TBX6: variants seen among roughly 807,000 people sequenced by gnomAD.
TBX6 encodes T-box transcription factor TBX6.
TBX6 carries 29 observed loss-of-function variants against 42.3 expected under a neutral mutation model. That is an observed-to-expected ratio of 0.69 (90% CI 0.51 to 0.93). The LOEUF (loss-of-function observed/expected upper bound fraction) is 0.93. Ranked by LOEUF, TBX6 falls within the 40% of genes least tolerant of loss-of-function variation. The pLI, the probability that TBX6 is intolerant of heterozygous loss-of-function variation, is 0.00. For missense variants in TBX6, 569 were observed against 603.3 expected (o/e 0.94, Z 0.59); for synonymous variants, 249 against 245.1 (o/e 1.02, Z -0.15).
chr16:30,087,940 T>TC (rs1293068174), intron 6 of TBX6: 1 of 143,220 alleles, frequency 7.0e-6, no homozygotes, highest in East Asian at 2.0e-4. Flanking sequence ...TTTTCTTTCT[T>TC]TTTTTTTTTT....
In TBX6 at chr16:30,086,189, A is replaced by T; in HGVS notation, c.*36T>A. The T allele has an allele frequency of 6.3e-7, 1 of 1,597,902 alleles. No individual in the cohort carries two copies. Among genetic ancestry groups the T allele is most frequent in the South Asian group, 1.1e-5 (1 of 89,746 alleles). ...TCCAGGGCTGGGGGAAGGGAGCGGG[A>T]GGTTTGTGATGGAGGCAGAGGGGCC... On this transcript the variant is annotated 3_prime_UTR_variant, in exon 9 of 9. Transcript: ENST00000395224. The surrounding 1 kb of genome is among the most constrained non-coding windows in gnomAD (Gnocchi z 4.6).
rs997345544 is a variant in TBX6 at position 30,085,904 on chromosome 16, C to T, written c.*321G>A. 6 of 380,006 alleles carry T rather than the reference C, an allele frequency of 1.6e-5. No individual in the cohort carries two copies. Among genetic ancestry groups the T allele is most frequent in the African/African-American group, 1.1e-4 (5 of 46,056 alleles). 23.5% of individuals were successfully genotyped at this position (380,006 alleles called of 1,614,324 possible). On this transcript the variant is annotated 3_prime_UTR_variant, in exon 9 of 9. Coordinates refer to ENST00000395224, the MANE Select transcript of TBX6 (RefSeq NM_004608.4). Reference sequence around the variant, plus strand: ...GTGTGGGGGGGTGGGGATTGAGCCCCTCCAGAGCCCATGGGGAGGCCTGGT... The same window carrying T: ...GTGTGGGGGGGTGGGGATTGAGCCCTTCCAGAGCCCATGGGGAGGCCTGGT...
chr16:30,086,947 A>T lies in TBX6; in HGVS notation c.840-96T>A. On this transcript the variant is annotated intron_variant, in intron 6 of 8. Coordinates refer to ENST00000395224, the MANE Select transcript of TBX6 (RefSeq NM_004608.4). This position sits in a 1 kb window ranked among gnomAD's most constrained non-coding sequence, Gnocchi z 4.6. ...TGCCAGGCATTTCACCCTCCCAGGG[A>T]CCCTGTCAGGTAGGGGCCATCATTA... 6.9e-7 allele frequency: 1 copy of T among 1,441,094 alleles called. No homozygotes were observed. The highest frequency in any genetic ancestry group is 1.2e-5 in the South Asian group (1 of 81,966). 89.3% of individuals were successfully genotyped at this position (1,441,094 alleles called of 1,614,324 possible).
chr16:30,088,808 G>T lies in TBX6; in HGVS notation c.653C>A (p.Pro218His). Residue 218 changes from proline to histidine, a missense_variant, in exon 5 of 9, where the codon CCC becomes CAC. Pro to His is a moderately conservative substitution (Grantham distance 77). Transcript: ENST00000395224. The surrounding 1 kb of genome is among the most constrained non-coding windows in gnomAD (Gnocchi z 4.1). The part of the protein sequence containing the change: ...LILHSMHKYQ[P>H]RIHLVRAAQL... Reference sequence around the variant, plus strand: ...GGCTGCCCGAACTAGGTGTATGCGGGGTTGGTACTTGTGCATGGAGTGCAG... The same window carrying T: ...GGCTGCCCGAACTAGGTGTATGCGGTGTTGGTACTTGTGCATGGAGTGCAG... 2 of 1,614,152 alleles carry T rather than the reference G, an allele frequency of 1.2e-6. No individual in the cohort carries two copies. Among genetic ancestry groups the T allele is most frequent in the Non-Finnish European group, 8.5e-7 (1 of 1,179,994 alleles).
intron 3 of TBX6, 115 bp downstream of exon 3, chr16:30,090,643 G>A: frequency 4.7e-6 from 5 of 1,062,894 alleles, no homozygotes; most frequent in African/African-American, 1.6e-5. Flanking sequence ...TCAGATTCTA[G>A]GCCTAGGCAG....
chr16:30,091,494 C>A lies in TBX6; in HGVS notation c.-48-253G>T, dbSNP rs149733525. On this transcript the variant is annotated intron_variant, in intron 1 of 8. Coordinates refer to ENST00000395224, the MANE Select transcript of TBX6 (RefSeq NM_004608.4). Reference sequence around the variant, plus strand: ...TCCTCGGCTTGATTGATCCCCAGGGCTCGGACAGGGACGCAGTTTGGCGCT... The same window carrying A: ...TCCTCGGCTTGATTGATCCCCAGGGATCGGACAGGGACGCAGTTTGGCGCT... 720 of 286,560 alleles carry A rather than the reference C, an allele frequency of 2.5e-3. 1 individual carries two copies. The highest frequency in any genetic ancestry group is 3.0e-3 in the Non-Finnish European group (451 of 152,598). 17.8% of individuals were successfully genotyped at this position (286,560 alleles called of 1,614,324 possible).
chr16:30,088,551 C>A lies in TBX6; in HGVS notation c.833G>T (p.Cys278Phe), dbSNP rs535872853. Residue 278 changes from cysteine to phenylalanine, a missense_variant, in exon 6 of 9, where the codon TGT becomes TTT. Cys to Phe is a radical substitution (Grantham distance 205, BLOSUM62 -2). Coordinates refer to ENST00000395224, the MANE Select transcript of TBX6 (RefSeq NM_004608.4). The surrounding 1 kb of genome is among the most constrained non-coding windows in gnomAD (Gnocchi z 4.1). ...AKGFRENGRN[C>F]KRERDARVKR... ...ATGAATGAACAACTCCCACCTCTTA[C>A]AGTTTCTGCCGTTCTCCCGGAAGCC... The A allele has an allele frequency of 6.2e-7, 1 of 1,614,240 alleles. No individual in the cohort carries two copies. The highest frequency in any genetic ancestry group is 1.3e-5 in the African/African-American group (1 of 75,056).
In TBX6 at chr16:30,091,142, C is replaced by G. The variant is rs1191615131; in HGVS notation, c.52G>C (p.Gly18Arg). The change falls in exon 2 of 9, where the codon GGG becomes CGG. Residue 18 changes from glycine (G) to arginine (R), a missense_variant. Around this residue, in one of 3 missense-constraint regions of TBX6, gnomAD observed 134 missense variants for 125.3 expected, o/e 1.07. Transcript: ENST00000395224. ...YPSLGAGYRL[G>R]PAQPGADSSF... ...GAGTCGGCCCCAGGTTGGGCGGGCCCCAGGCGGTAGCCGGCCCCCAGGGAC... is the reference window on the plus strand; with the variant it reads ...GAGTCGGCCCCAGGTTGGGCGGGCCGCAGGCGGTAGCCGGCCCCCAGGGAC... 3 of 1,594,722 alleles carry G rather than the reference C, an allele frequency of 1.9e-6. No homozygotes were observed. The highest frequency in any genetic ancestry group is 2.6e-6 in the Non-Finnish European group (3 of 1,172,486).
At position 30,091,011 on chromosome 16, in the gene TBX6, T is replaced by C; in HGVS notation, c.119-19A>G. ...TCCAGTTCTGGAAGCCGGGGAAGAA[T>C]GAGGAGCCAGCCGAGGGCCACAGCC... On this transcript the variant is annotated intron_variant, in intron 2 of 8. Coordinates refer to ENST00000395224, the MANE Select transcript of TBX6 (RefSeq NM_004608.4). The C allele has an allele frequency of 1.2e-6, 2 of 1,607,020 alleles. No individual in the cohort carries two copies. Among genetic ancestry groups the C allele is most frequent in the Non-Finnish European group, 1.7e-6 (2 of 1,176,906 alleles).
chr16:30,086,408 G>A lies in TBX6; in HGVS notation c.1128C>T (p.Ser376=), dbSNP rs569457361. 4.3e-5 allele frequency: 66 copies of A among 1,543,844 alleles called. No homozygotes were observed. The South Asian group carries it at 5.0e-4, about 12-fold the overall frequency. The part of the protein sequence containing the change: ...RSPSFPEAPD[S]GRSAPYSAAF... ...CAGCCGAGTAGGGGGCTGAGCGCCC[G>A]GAGTCTGGAGCCTCCGGGAAGCTGG... Residue 376 remains serine, a synonymous_variant, in exon 9 of 9, where the codon TCC becomes TCT. Coordinates refer to ENST00000395224, the MANE Select transcript of TBX6 (RefSeq NM_004608.4). The surrounding 1 kb of genome is among the most constrained non-coding windows in gnomAD (Gnocchi z 4.6).
intron 6 of TBX6, among the ~76,000 whole-genome samples, chr16:30,087,053 T>C (rs577586348): frequency 6.6e-6 from 1 of 152,252 alleles, no homozygotes; most frequent in African/African-American, 2.4e-5. Context: ...TTGTCCCTGC[T>C]CAAATTTGTC....
In TBX6 at chr16:30,086,973, T is replaced by C. The variant is rs2151031585; in HGVS notation, c.840-122A>G. Reference sequence around the variant, plus strand: ...CCCTGTCAGGTAGGGGCCATCATTATACCCATTTTATAGATGAAGAAACTG... The same window carrying C: ...CCCTGTCAGGTAGGGGCCATCATTACACCCATTTTATAGATGAAGAAACTG... On this transcript the variant is annotated intron_variant, in intron 6 of 8. Coordinates refer to ENST00000395224, the MANE Select transcript of TBX6 (RefSeq NM_004608.4). The surrounding 1 kb of genome is among the most constrained non-coding windows in gnomAD (Gnocchi z 4.6). The C allele has an allele frequency of 8.3e-6, 9 of 1,088,782 alleles. No individual in the cohort carries two copies. In the Middle Eastern group the frequency reaches 7.0e-4, roughly 85 times the overall value. The allele number at this position is 1,088,782 out of a possible 1,614,324, so 67.4% of individuals were successfully genotyped here. A position where few individuals can be genotyped will look rare whatever the true frequency, so the allele number is the denominator to read the frequency against.
Position 30,088,468 on chromosome 16 carries a change from A to C in TBX6, c.839+77T>G, listed in dbSNP as rs745433650. On this transcript the variant is annotated intron_variant, in intron 6 of 8. Coordinates refer to ENST00000395224, the MANE Select transcript of TBX6 (RefSeq NM_004608.4). The surrounding 1 kb of genome is among the most constrained non-coding windows in gnomAD (Gnocchi z 4.1). ...ACTTACCACTGCATTTCTGATGTCC[A>C]GCACGGTGCCTGGCACACAGTGAGT... 5.6e-6 allele frequency: 9 copies of C among 1,593,374 alleles called. No homozygotes were observed. Among genetic ancestry groups the C allele is most frequent in the Middle Eastern group, 1.7e-4 (1 of 6,032 alleles).
At chr16:30,089,932 C>CAAA (rs34629735) in intron 3 of TBX6, among the ~76,000 whole-genome samples, 86 of 97,380 alleles carry the variant, frequency 8.8e-4, no homozygotes, top group Non-Finnish European at 1.1e-3. Flanking sequence ...GACTCCATCT[C>CAAA]AAAAAAAAAA....
intron 1 of TBX6, 32 bp downstream of exon 1, chr16:30,091,841 G>C (rs1327316612): frequency 1.3e-5 from 2 of 152,438 alleles, no homozygotes; most frequent in Admixed American, 1.3e-4. Flanking sequence ...CCTCCATCCC[G>C]AGCCAAGCCT....
intron 3 of TBX6, among the ~76,000 whole-genome samples, chr16:30,090,333 G>A (rs1323256764): frequency 6.6e-6 from 1 of 152,066 alleles, no homozygotes; most frequent in Non-Finnish European, 1.5e-5. Flanking sequence ...GGTGACCCTG[G>A]ACCTAGTCAT....
At position 30,089,519 on chromosome 16, in the gene TBX6, C is replaced by T. The variant is rs563831063; in HGVS notation, c.354-309G>A. Among the ~76,000 whole-genome samples the T allele has an allele frequency of 6.4e-4, 98 of 152,170 alleles. No individual in the cohort carries two copies. In the South Asian group the frequency reaches 8.1e-3, roughly 13 times the overall value. ...GCATGGTGGTGCACACTGATAGTCC[C>T]AGTTACTACAGAGGCTGAGGCGGGA... On this transcript the variant is annotated intron_variant, in intron 3 of 8. Transcript: ENST00000395224.
chr16:30,089,152 A>T lies in TBX6; in HGVS notation c.412T>A (p.Leu138Met), dbSNP rs1485698412. 1.4e-5 allele frequency: 23 copies of T among 1,613,964 alleles called. No individual in the cohort carries two copies. The highest frequency in any genetic ancestry group is 1.9e-5 in the Non-Finnish European group (23 of 1,180,026). ...ACCGGAATCACATCCAGAAGAAACA[A>T]GTAGCGGGCCTCGGGGTCCAGGCCA... ...VTGLDPEARY[L>M]FLLDVIPVDG... The change falls in exon 4 of 9, where the codon TTG becomes ATG. Residue 138 changes from leucine (L) to methionine (M), a missense_variant. Coordinates refer to ENST00000395224, the MANE Select transcript of TBX6 (RefSeq NM_004608.4).
intron 2 of TBX6, 23 bp downstream of exon 2, chr16:30,091,053 C>A: frequency 1.3e-6 from 2 of 1,589,214 alleles, no homozygotes; most frequent in Non-Finnish European, 1.7e-6. Flanking sequence ...TTCTCCTACC[C>A]AGGAGCTGGT....
Sources: allele counts gnomAD v4.1 joint callset (sites outside exome capture counted in the v4.1 genomes callset), GRCh38; gene constraint gnomAD v4.1.1; regional missense constraint gnomAD v4.1.1; non-coding constraint Gnocchi (gnomAD v3.1); transcripts MANE v1.5; gene names NCBI Gene and HGNC (gene_info 2026-07-23, HGNC 2026-07-21).